Variants in PARP12 observed in about 807,000 individuals in gnomAD.
PARP12 encodes the protein protein mono-ADP-ribosyltransferase PARP12.
Under a neutral mutation model 72.4 loss-of-function variants are expected in PARP12, and 59 were observed. The observed-to-expected ratio is 0.81, with a 90% CI of 0.66 to 1.01. PARP12 has a LOEUF of 1.01. Among genes scored for constraint, PARP12 ranks in the 50% least tolerant of loss-of-function variants. The pLI is 0.00. For missense variants in PARP12, 851 were observed against 914.0 expected (o/e 0.93, Z 0.89); for synonymous variants, 403 against 371.4 (o/e 1.09, Z -0.98).
chr7:140,061,559 C>A (rs1029779399), intron 1 of PARP12, among the ~76,000 whole-genome samples: 1 of 152,220 alleles, frequency 6.6e-6, no homozygotes, highest in Non-Finnish European at 1.5e-5. Context: ...AACATCCTCC[C>A]TTAAATTGGC....
chr7:140,046,996 T>C lies in PARP12; in HGVS notation c.874A>G (p.Arg292Gly). Residue 292 changes from arginine (R) to glycine (G), a missense_variant, in exon 5 of 12, where the codon AGA becomes GGA. By Grantham distance (125) the Arg-to-Gly change is moderately radical (BLOSUM62 -2). Around this residue, in one of 3 missense-constraint regions of PARP12, gnomAD observed 492 missense variants for 489.3 expected, o/e 1.01. Coordinates refer to ENST00000263549, the MANE Select transcript of PARP12 (RefSeq NM_022750.4). ...CGATACGGCAAATGGAAATGAACTC[T>C]ATGGCACTTATCTGAAATAAAAACA... ...KSCSFQDKCH[R>G]VHFHLPYRWQ... 1.2e-6 allele frequency: 2 copies of C among 1,612,640 alleles called. No homozygotes were observed. The highest frequency in any genetic ancestry group is 1.3e-5 in the African/African-American group (1 of 74,992).
chr7:140,023,919 C>T lies in PARP12; in HGVS notation c.*641G>A, dbSNP rs1184431153. On this transcript the variant is annotated 3_prime_UTR_variant, in exon 12 of 12. Coordinates refer to ENST00000263549, the MANE Select transcript of PARP12 (RefSeq NM_022750.4). Reference sequence around the variant, plus strand: ...GGGGGTCCTCGGGGAAGCTACTCCTCCAGGTCACCTGCCAGGTGGATGCAC... The same window carrying T: ...GGGGGTCCTCGGGGAAGCTACTCCTTCAGGTCACCTGCCAGGTGGATGCAC... 6.3e-6 allele frequency: 1 copy of T among 158,946 alleles called. No homozygotes were observed. Among genetic ancestry groups the T allele is most frequent in the African/African-American group, 2.4e-5 (1 of 41,476 alleles). The allele number at this position is 158,946 out of a possible 1,614,324, so 9.8% of individuals were successfully genotyped here. A position where few individuals can be genotyped will look rare whatever the true frequency, so the allele number is the denominator to read the frequency against.
In PARP12 at chr7:140,034,227, C is replaced by T; in HGVS notation, c.1421+8G>A. 2 of 1,611,360 alleles carry T rather than the reference C, an allele frequency of 1.2e-6. No homozygotes were observed. The highest frequency in any genetic ancestry group is 1.7e-6 in the Non-Finnish European group (2 of 1,178,350). On this transcript the variant is annotated splice_region_variant and intron_variant, in intron 8 of 11. Transcript: ENST00000263549. ...ATCCTAAGTACCAAGCCCCCCACTGCAACCTACCAGGTTTGCATGGTCGTC... is the reference window on the plus strand; with the variant it reads ...ATCCTAAGTACCAAGCCCCCCACTGTAACCTACCAGGTTTGCATGGTCGTC...
chr7:140,034,346 A>T lies in PARP12; in HGVS notation c.1325-15T>A, dbSNP rs887534996. On this transcript the variant is annotated splice_polypyrimidine_tract_variant and intron_variant, in intron 7 of 11. Coordinates refer to ENST00000263549, the MANE Select transcript of PARP12 (RefSeq NM_022750.4). The stretch of plus-strand genomic sequence containing the variant: ...CTGAACGAAGGCTGAAAAAAAACAT[A>T]ACCAGTGAAAAAATATACATATACA... 1 of 1,593,016 alleles carries T rather than the reference A, an allele frequency of 6.3e-7. No homozygotes were observed. Among genetic ancestry groups the T allele is most frequent in the Non-Finnish European group, 8.6e-7 (1 of 1,167,054 alleles).
At chr7:140,028,731 C>G (rs182462086) in intron 8 of PARP12, 43 bp from the exon 9 acceptor site, 1 of 1,511,164 alleles carries the variant, frequency 6.6e-7, no homozygotes, top group East Asian at 2.4e-5. Flanking sequence ...TTTATTCTTA[C>G]ACAAAGCAAA....
chr7:140,062,759 A>G lies in PARP12; in HGVS notation c.89T>C (p.Leu30Ser), dbSNP rs1817523469. 2.2e-6 allele frequency: 3 copies of G among 1,388,166 alleles called. No individual in the cohort carries two copies. Among genetic ancestry groups the G allele is most frequent in the Non-Finnish European group, 2.8e-6 (3 of 1,065,860 alleles). 86.0% of individuals were successfully genotyped at this position (1,388,166 alleles called of 1,614,324 possible). A position where few individuals can be genotyped will look rare whatever the true frequency, so the allele number is the denominator to read the frequency against. ...ALELPELRRRLRMGLSADALE... is the reference protein window; with the variant it reads ...ALELPELRRRSRMGLSADALE... ...CGCGTCGGCGCTCAAGCCCATCCGC[A>G]AGCGGCGCCGCAGCTCGGGCAACTC... Residue 30 changes from leucine (L) to serine (S), a missense_variant, in exon 1 of 12, where the codon TTG becomes TCG. By Grantham distance (145) the Leu-to-Ser change is moderately radical. Coordinates refer to ENST00000263549, the MANE Select transcript of PARP12 (RefSeq NM_022750.4).
intron 4 of PARP12, among the ~76,000 whole-genome samples, chr7:140,050,381 A>C (rs918433962): frequency 2.0e-5 from 3 of 152,180 alleles, no homozygotes; most frequent in African/African-American, 7.2e-5. Context: ...TAAGGGTTAG[A>C]GCAAGAGAAA....
intron 5 of PARP12, 76 bp downstream of exon 5, chr7:140,046,808 G>GTT: frequency 7.5e-7 from 1 of 1,341,996 alleles, no homozygotes. Context: ...CAGTGTGTGT[G>GTT]TGTGTGTGTG....
intron 1 of PARP12, among the ~76,000 whole-genome samples, chr7:140,058,341 C>G (rs963003437): frequency 1.3e-5 from 2 of 152,050 alleles, no homozygotes; most frequent in Non-Finnish European, 2.9e-5. Flanking sequence ...GAAACCCCGT[C>G]TCTACTAAAA....
chr7:140,062,877 G>A lies in PARP12; in HGVS notation c.-30C>T, dbSNP rs1052986134. 4.0e-6 allele frequency: 5 copies of A among 1,250,406 alleles called. No individual in the cohort carries two copies. The highest frequency in any genetic ancestry group is 8.7e-5 in the Admixed American group (2 of 22,940). The allele number at this position is 1,250,406 out of a possible 1,614,324, so 77.5% of individuals were successfully genotyped here. Reference sequence around the variant, plus strand: ...GCTGGGCCTGCTCCCGTCGGACCGCGGGTGGCGCGACGCGGACGGCGGCGG... The same window carrying A: ...GCTGGGCCTGCTCCCGTCGGACCGCAGGTGGCGCGACGCGGACGGCGGCGG... On this transcript the variant is annotated 5_prime_UTR_variant, in exon 1 of 12. Transcript: ENST00000263549.
At chr7:140,054,141 G>A (rs928295226) in intron 4 of PARP12, among the ~76,000 whole-genome samples, 8 of 152,090 alleles carry the variant, frequency 5.3e-5, no homozygotes, top group African/African-American at 1.2e-4. Flanking sequence ...ATACAGACAG[G>A]CACATGCACA....
intron 6 of PARP12, among the ~76,000 whole-genome samples, chr7:140,039,557 T>A: frequency 6.6e-6 from 1 of 152,204 alleles, no homozygotes; most frequent in East Asian, 1.9e-4. Flanking sequence ...GTGGAAGGAA[T>A]GACAGATTCC....
chr7:140,045,475 T>C (rs143408633), intron 5 of PARP12, among the ~76,000 whole-genome samples: 3 of 152,338 alleles, frequency 2.0e-5, no homozygotes, highest in East Asian at 1.9e-4. Context: ...TTAAGTAATC[T>C]GGCCAAATTT....
At chr7:140,028,119 C>A (rs948909251) in intron 9 of PARP12, among the ~76,000 whole-genome samples, 7 of 152,162 alleles carry the variant, frequency 4.6e-5, no homozygotes, top group African/African-American at 7.2e-5. Flanking sequence ...TGTTAGTCTG[C>A]GTACTCTCCT....
intron 8 of PARP12, among the ~76,000 whole-genome samples, chr7:140,029,371 G>A (rs1173218942): frequency 6.6e-6 from 1 of 152,222 alleles, no homozygotes; most frequent in Non-Finnish European, 1.5e-5. Context: ...CAAGGACTGT[G>A]AAACTATAAT....
At chr7:140,037,271 C>T (rs147543278) in intron 7 of PARP12, among the ~76,000 whole-genome samples, 1 of 152,304 alleles carries the variant, frequency 6.6e-6, no homozygotes, top group East Asian at 1.9e-4. Flanking sequence ...TTGCAGTGAG[C>T]CAAGATCACG....
intron 5 of PARP12, 107 bp from the exon 6 acceptor site, chr7:140,041,946 T>G (rs948002579): frequency 1.0e-6 from 1 of 974,848 alleles, no homozygotes; most frequent in South Asian, 1.6e-5. Context: ...AAATGTGGCA[T>G]GCACATTTTA....
intron 1 of PARP12, among the ~76,000 whole-genome samples, chr7:140,060,247 T>A (rs1189702064): frequency 1.3e-5 from 2 of 152,194 alleles, no homozygotes; most frequent in Non-Finnish European, 2.9e-5. Flanking sequence ...TGAAACAAGG[T>A]GGGCTGGATC....
chr7:140,034,191 C>G, intron 8 of PARP12, 44 bp downstream of exon 8: 5 of 1,597,056 alleles, frequency 3.1e-6, no homozygotes, highest in Non-Finnish European at 3.4e-6. Flanking sequence ...GAGCACACCC[C>G]AGCTGATTAC....
Sources: allele counts gnomAD v4.1 joint callset (sites outside exome capture counted in the v4.1 genomes callset), GRCh38; gene constraint gnomAD v4.1.1; regional missense constraint gnomAD v4.1.1; transcripts MANE v1.5; gene names NCBI Gene and HGNC (gene_info 2026-07-23, HGNC 2026-07-21).